NRXN1: variants seen among roughly 807,000 people sequenced by gnomAD.
The protein encoded by NRXN1 is neurexin 1.
Under a neutral mutation model 150.9 loss-of-function variants are expected in NRXN1, and 39 were observed. That is an observed-to-expected ratio of 0.26 (90% confidence interval 0.20 to 0.34). NRXN1 has a LOEUF of 0.34. Ranked by LOEUF, NRXN1 falls within the 10% of genes least tolerant of loss-of-function variation. NRXN1 has a pLI of 1.00. For synonymous variants in NRXN1, 924 were observed against 757.0 expected (o/e 1.22, Z -3.62); for missense variants, 1,815 against 1,949.9 (o/e 0.93, Z 1.30).
intron 17 of NRXN1, among the ~76,000 whole-genome samples, chr2:50,406,443 T>C (rs969675642): frequency 1.3e-5 from 2 of 152,176 alleles, no homozygotes; most frequent in Non-Finnish European, 2.9e-5. Flanking sequence ...CCTTACCTCT[T>C]GGACATTGGT....
chr2:50,134,389 T>C (rs1574093488), intron 18 of NRXN1, among the ~76,000 whole-genome samples: 2 of 152,006 alleles, frequency 1.3e-5, no homozygotes, highest in South Asian at 4.2e-4. Flanking sequence ...CAAGAAAGAC[T>C]GCACGTGGTG....
intron 18 of NRXN1, among the ~76,000 whole-genome samples, chr2:50,161,154 T>C (rs1313806882): frequency 6.6e-6 from 1 of 152,164 alleles, no homozygotes; most frequent in African/African-American, 2.4e-5. Flanking sequence ...CAATGGTACT[T>C]TACAGCTAAT....
chr2:50,438,302 G>A (rs1041319120), intron 17 of NRXN1, among the ~76,000 whole-genome samples: 1 of 152,196 alleles, frequency 6.6e-6, no homozygotes, highest in Admixed American at 6.5e-5. Context: ...TACAGCCCCA[G>A]ATGGAGAAAA....
chr2:50,128,709 C>T (rs1277746565), intron 18 of NRXN1, among the ~76,000 whole-genome samples: 1 of 151,992 alleles, frequency 6.6e-6, no homozygotes, highest in Non-Finnish European at 1.5e-5. Context: ...ACAGGGGATG[C>T]GGTGGCTCAA....
At chr2:50,388,775 T>G (rs1005893857) in intron 17 of NRXN1, among the ~76,000 whole-genome samples, 4 of 152,148 alleles carry the variant, frequency 2.6e-5, no homozygotes, top group Non-Finnish European at 4.4e-5. Flanking sequence ...TATCAATCAT[T>G]CTTTTAGTCT....
intron 5 of NRXN1, among the ~76,000 whole-genome samples, chr2:50,665,600 G>A (rs1687913107): frequency 6.6e-6 from 1 of 151,950 alleles, no homozygotes; most frequent in African/African-American, 2.4e-5. Flanking sequence ...AACCGACTCT[G>A]CAAAGTATTT....
intron 18 of NRXN1, among the ~76,000 whole-genome samples, chr2:50,158,224 T>C (rs2059146196): frequency 6.6e-6 from 1 of 151,674 alleles, no homozygotes; most frequent in African/African-American, 2.4e-5. Context: ...TTGATAGATT[T>C]GTCTTTCTAT....
rs536244084 is a variant in NRXN1, at chr2:50,349,636, A to T, written c.3365-112666T>A. ...CTGAGGCACTGTGGCTTCCTTTATA[A>T]AATACTCATGTTTCTATCTTTCCTA... On this transcript the variant is annotated intron_variant, in intron 17 of 22. Transcript: ENST00000401669. Among the ~76,000 whole-genome samples, 41 of 152,276 alleles carry T rather than the reference A, an allele frequency of 2.7e-4. No homozygotes were observed. The South Asian group carries it at 8.3e-3, about 31-fold the overall frequency.
chr2:50,531,369 C>T lies in NRXN1; in HGVS notation c.2205G>A (p.Met735Ile), dbSNP rs748618483. 3.7e-6 allele frequency: 6 copies of T among 1,612,936 alleles called. No homozygotes were observed. In the African/African-American group the frequency reaches 8.0e-5, roughly 22 times the overall value. Residue 735 changes from methionine (M) to isoleucine (I), a missense_variant, in exon 11 of 23, where the codon ATG becomes ATA. Met to Ile is a conservative substitution (Grantham distance 10, BLOSUM62 1). This residue lies in a region of NRXN1 where 638 missense variants were observed against 652.6 expected (regional missense o/e 0.98). Coordinates refer to ENST00000401669, the MANE Select transcript of NRXN1 (RefSeq NM_001330078.2). ...MFMKIQLPVV[M>I]HTEAEDVSLR... Reference sequence around the variant, plus strand: ...AGGAAACATCCTCAGCCTCCGTATGCATGACTACGGGGAGCTGAATTTTCA... The same window carrying T: ...AGGAAACATCCTCAGCCTCCGTATGTATGACTACGGGGAGCTGAATTTTCA...
At chr2:50,044,118 T>C (rs542141792) in intron 21 of NRXN1, among the ~76,000 whole-genome samples, 152 of 152,326 alleles carry the variant, frequency 1.0e-3, no homozygotes, top group African/African-American at 3.6e-3. Context: ...TCAAAGAATG[T>C]GGCAAAACAA....
chr2:50,385,503 G>A (rs1484764807), intron 17 of NRXN1, among the ~76,000 whole-genome samples: 4 of 152,102 alleles, frequency 2.6e-5, no homozygotes, highest in African/African-American at 9.7e-5. Flanking sequence ...ATGCTACCCG[G>A]GAATGTTGGT....
chr2:50,130,427 C>T (rs1260769324), intron 18 of NRXN1, among the ~76,000 whole-genome samples: 1 of 152,152 alleles, frequency 6.6e-6, no homozygotes, highest in Non-Finnish European at 1.5e-5. Context: ...ATCTCCATGG[C>T]TGCTTCCCAG....
At chr2:50,195,540 A>C (rs954319743) in intron 18 of NRXN1, among the ~76,000 whole-genome samples, 17 of 152,204 alleles carry the variant, frequency 1.1e-4, no homozygotes, top group Non-Finnish European at 1.9e-4. Flanking sequence ...GAGAAGCAAT[A>C]ATCTCTTTAA....
chr2:50,129,595 T>A (rs981941027), intron 18 of NRXN1, among the ~76,000 whole-genome samples: 29 of 152,208 alleles, frequency 1.9e-4, no homozygotes, highest in African/African-American at 7.0e-4. Context: ...CCATGTGTCC[T>A]AATATAAAAA....
chr2:50,550,382 T>C (rs1667266362), intron 9 of NRXN1, among the ~76,000 whole-genome samples: 1 of 152,056 alleles, frequency 6.6e-6, no homozygotes, highest in Admixed American at 6.5e-5. Context: ...GCATGTTTTG[T>C]TTTAAAGTGC....
intron 8 of NRXN1, among the ~76,000 whole-genome samples, chr2:50,581,027 A>C (rs1285914506): frequency 6.6e-6 from 1 of 152,186 alleles, no homozygotes; most frequent in Admixed American, 6.6e-5. Context: ...TTGGAGGACA[A>C]TATACTATGC....
At position 50,364,716 on chromosome 2, in the gene NRXN1, A is replaced by G. The variant is rs2153012977; in HGVS notation, c.3364+100726T>C. 1.3e-5 allele frequency among the ~76,000 whole-genome samples: 2 copies of G among 152,124 alleles called. 1 individual carries two copies. The highest frequency in any genetic ancestry group is 3.9e-4 in the East Asian group (2 of 5,192). Reference sequence around the variant, plus strand: ...AAGAAAACAGACATGGTAAAAGAAGAGTAAAGGTGGGTCTTTTCTCTTTTG... The same window carrying G: ...AAGAAAACAGACATGGTAAAAGAAGGGTAAAGGTGGGTCTTTTCTCTTTTG... On this transcript the variant is annotated intron_variant, in intron 17 of 22. Transcript: ENST00000401669.
At chr2:50,289,574 C>T (rs969672170) in intron 17 of NRXN1, among the ~76,000 whole-genome samples, 8 of 152,046 alleles carry the variant, frequency 5.3e-5, no homozygotes, top group African/African-American at 1.9e-4. Flanking sequence ...TTCTTTCCTG[C>T]TACATGAAGT....
rs796294697 is a variant in NRXN1, at chr2:50,507,627, C to T, written c.2375-1010G>A. Reference sequence around the variant, plus strand: ...TTGAAATGATTAAGTTAGACTATATCCGTCACCTCAAAAAAAAAAAAAAAA... The same window carrying T: ...TTGAAATGATTAAGTTAGACTATATTCGTCACCTCAAAAAAAAAAAAAAAA... On this transcript the variant is annotated intron_variant, in intron 12 of 22. Transcript: ENST00000401669. Among the ~76,000 whole-genome samples the T allele has an allele frequency of 1.0e-4, 11 of 104,922 alleles. No homozygotes were observed. In the South Asian group the frequency reaches 3.2e-3, roughly 31 times the overall value. The allele number at this position is 104,922 out of a possible 152,430, so 68.8% of individuals were successfully genotyped here.
Sources: allele counts gnomAD v4.1 joint callset (sites outside exome capture counted in the v4.1 genomes callset), GRCh38; gene constraint gnomAD v4.1.1; regional missense constraint gnomAD v4.1.1; transcripts MANE v1.5; gene names NCBI Gene and HGNC (gene_info 2026-07-23, HGNC 2026-07-21).